The following CDH26 variants were observed in gnomAD, a reference collection of about 807,000 sequenced individuals.
CDH26 encodes cadherin-like protein 26.
Under a neutral mutation model 90.3 loss-of-function variants are expected in CDH26, and 83 were observed. The observed-to-expected ratio is 0.92, with a 90% CI of 0.77 to 1.10. The LOEUF (loss-of-function observed/expected upper bound fraction) is 1.10. Among genes scored for constraint, CDH26 ranks in the 50% least tolerant of loss-of-function variants. The probability of loss-of-function intolerance (pLI) is 0.00; values close to 1 mark genes in which losing one functional copy is unlikely to be tolerated. For synonymous variants in CDH26, 397 were observed against 396.3 expected (o/e 1.00, Z -0.02); for missense variants, 1,013 against 1,037.6 (o/e 0.98, Z 0.33).
intron 1 of CDH26, among the ~76,000 whole-genome samples, chr20:59,963,887 T>G (rs1007787919): frequency 2.0e-5 from 3 of 151,712 alleles, no homozygotes; most frequent in South Asian, 2.1e-4. Context: ...TTCCTCACTG[T>G]CCAATTTCAT....
intron 4 of CDH26, among the ~76,000 whole-genome samples, chr20:59,974,514 G>GATAGATCCT (rs2061303883): frequency 6.6e-6 from 1 of 152,190 alleles, no homozygotes; most frequent in African/African-American, 2.4e-5. Context: ...GTGCATCACA[G>GATAGATCCT]ATAGATCCTA....
intron 7 of CDH26, among the ~76,000 whole-genome samples, chr20:60,021,869 C>CACACACAT (rs1555903644): frequency 9.7e-6 from 1 of 102,862 alleles, no homozygotes; most frequent in African/African-American, 3.2e-5. Flanking sequence ...CACACACACA[C>CACACACAT]ACACACACAC....
chr20:60,021,863 C>CACACACACACACACACACAT lies in CDH26; in HGVS notation c.948-9349_948-9348insTACACACACACACACACACA, dbSNP rs1555903608. ...ATCCTTATCTGTACACACACACACA[C>CACACACACACACACACACAT]ACACACACACACACACACACACACA... On this transcript the variant is annotated intron_variant, in intron 7 of 8. Transcript: ENST00000370991. 3.1e-3 allele frequency among the ~76,000 whole-genome samples: 198 copies of CACACACACACACACACACAT among 63,276 alleles called. 7 individuals are homozygous for CACACACACACACACACACAT. Among genetic ancestry groups the CACACACACACACACACACAT allele is most frequent in the Non-Finnish European group, 4.3e-3 (116 of 26,734 alleles). The allele number at this position is 63,276 out of a possible 152,430, so 41.5% of individuals were successfully genotyped here.
chr20:60,000,569 G>A (rs185251740), intron 14 of CDH26, among the ~76,000 whole-genome samples: 29 of 152,350 alleles, frequency 1.9e-4, no homozygotes, highest in Admixed American at 1.3e-3. Flanking sequence ...TCTAGGTGTT[G>A]CCCTGAGGGG....
At chr20:59,983,422 C>T (rs1035362910) in intron 5 of CDH26, among the ~76,000 whole-genome samples, 2 of 152,094 alleles carry the variant, frequency 1.3e-5, no homozygotes, top group African/African-American at 2.4e-5. Context: ...CTATAGCCTC[C>T]GAGTTACAGA....
Position 59,989,109 on chromosome 20 carries a change from G to A in CDH26, c.1229G>A (p.Arg410Lys), listed in dbSNP as rs756230761. The change falls in exon 9 of 18, where the codon AGG becomes AAG. Residue 410 changes from arginine to lysine, a missense_variant. Transcript: ENST00000348616. ...ATTGTCAATAAAGAGGAGGGCGCCA[G>A]GCCTGGGACCCTGTTGGGAACTTTT... ...SFIVNKEEGA[R>K]PGTLLGTFNA... 6 of 1,614,218 alleles carry A rather than the reference G, an allele frequency of 3.7e-6. No individual in the cohort carries two copies. The highest frequency in any genetic ancestry group is 5.1e-6 in the Non-Finnish European group (6 of 1,180,044).
At position 59,991,767 on chromosome 20, in the gene CDH26, G is replaced by A. The variant is rs74662769; in HGVS notation, c.1284-611G>A. 3.5e-3 allele frequency among the ~76,000 whole-genome samples: 526 copies of A among 152,230 alleles called. 5 individuals carry two copies. The highest frequency in any genetic ancestry group is 0.01 in the African/African-American group (436 of 41,540). ...CCTGAGTCCAGGAGGTTCCTGCTGC[G>A]GTGCCCTCAACAGGTAGCTGGGGTG... On this transcript the variant is annotated intron_variant, in intron 9 of 17. Coordinates refer to ENST00000348616, the MANE Select transcript of CDH26 (RefSeq NM_177980.4).
chr20:60,015,707 T>C (rs187805603), downstream of CDH26, among the ~76,000 whole-genome samples: 6 of 152,320 alleles, frequency 3.9e-5, no homozygotes, highest in African/African-American at 1.4e-4. Context: ...CAAGACCAAT[T>C]TCCTGAAGCA....
At chr20:59,972,564 T>A (rs1399036303) in intron 4 of CDH26, among the ~76,000 whole-genome samples, 2 of 152,208 alleles carry the variant, frequency 1.3e-5, no homozygotes, top group South Asian at 4.1e-4. Flanking sequence ...AGTGCAGGTG[T>A]TCTTTACGAT....
chr20:59,991,610 G>A (rs1489193884), intron 9 of CDH26, among the ~76,000 whole-genome samples: 1 of 152,204 alleles, frequency 6.6e-6, no homozygotes, highest in Non-Finnish European at 1.5e-5. Flanking sequence ...TGTGACCCAC[G>A]CAACATGAGA....
intron 1 of CDH26, among the ~76,000 whole-genome samples, chr20:59,967,813 ATTTCTT>A (rs2061171036): frequency 2.3e-5 from 1 of 43,990 alleles, no homozygotes; most frequent in Non-Finnish European, 4.3e-5. Context: ...TCCCTCCCTC[ATTTCTT>A]TCTTTCTTTC....
chr20:60,035,648 C>T (rs148922595), downstream of CDH26, among the ~76,000 whole-genome samples: 12 of 151,994 alleles, frequency 7.9e-5, no homozygotes, highest in African/African-American at 2.9e-4. Context: ...GCTGTGTGCC[C>T]TCATTCAAAT....
In CDH26 at chr20:60,030,307, G is replaced by A. The variant is rs542835685; in HGVS notation, c.948-924G>A. Among the ~76,000 whole-genome samples the A allele has an allele frequency of 1.3e-4, 20 of 152,258 alleles. 2 individuals carry two copies. The South Asian group carries it at 4.1e-3, about 32-fold the overall frequency. ...AGTTCTCCAGAGCCTCAGCATTCCAGGACATCAGGGTGATTTGAAGTCAAT... is the reference window on the plus strand; with the variant it reads ...AGTTCTCCAGAGCCTCAGCATTCCAAGACATCAGGGTGATTTGAAGTCAAT... On this transcript the variant is annotated intron_variant, in intron 7 of 8. Coordinates refer to the CDH26 transcript ENST00000370991. This position sits in a 1 kb window ranked among gnomAD's most constrained non-coding sequence, Gnocchi z 4.0.
At chr20:59,994,116 G>C in intron 10 of CDH26, 134 bp from the exon 11 acceptor site, 2 of 1,150,130 alleles carry the variant, frequency 1.7e-6, no homozygotes, top group Non-Finnish European at 1.2e-6. Context: ...CATGCCAGGA[G>C]AGCTTATGAC....
intron 11 of CDH26, among the ~76,000 whole-genome samples, chr20:59,994,867 G>A (rs770312392): frequency 6.6e-6 from 1 of 152,144 alleles, no homozygotes; most frequent in Non-Finnish European, 1.5e-5. Context: ...GTGCTGATTG[G>A]CTGGTTCCCA....
chr20:60,027,943 C>T (rs1381859401), intron 7 of CDH26, among the ~76,000 whole-genome samples: 1 of 152,234 alleles, frequency 6.6e-6, no homozygotes, highest in African/African-American at 2.4e-5. Context: ...TCATACCCTT[C>T]ACTCGGTTTT....
At chr20:59,961,659 T>C (rs1450788009) in intron 1 of CDH26, among the ~76,000 whole-genome samples, 1 of 152,192 alleles carries the variant, frequency 6.6e-6, no homozygotes. Flanking sequence ...CCACAATAGT[T>C]TTCCTCTGAA....
chr20:59,975,112 T>C (rs550441844), intron 4 of CDH26, among the ~76,000 whole-genome samples: 14 of 152,248 alleles, frequency 9.2e-5, no homozygotes, highest in African/African-American at 2.9e-4. Flanking sequence ...GTGAGTTGAA[T>C]TGTGTCTCCC....
At chr20:59,984,563 G>A in intron 5 of CDH26, 76 bp from the exon 6 acceptor site, 11 of 1,245,984 alleles carry the variant, frequency 8.8e-6, no homozygotes, top group Non-Finnish European at 1.2e-5. Flanking sequence ...ATGCCATTTA[G>A]CAAATAATTC....
Sources: gnomAD v4.1 joint callset for allele counts (sites outside exome capture counted in the v4.1 genomes callset) on GRCh38, gnomAD v4.1.1 for gene constraint, Gnocchi (gnomAD v3.1) non-coding constraint, MANE v1.5 for transcripts, NCBI Gene and HGNC (gene_info 2026-07-23, HGNC 2026-07-21) for gene names.